SHANK2: variants seen among roughly 807,000 people sequenced by gnomAD.
The protein encoded by SHANK2 is SH3 and multiple ankyrin repeat domains protein 2.
Under a neutral mutation model 133.7 loss-of-function variants are expected in SHANK2, and 43 were observed. The ratio of observed to expected loss-of-function variants is 0.32; its 90% CI spans 0.25 to 0.41. The LOEUF (loss-of-function observed/expected upper bound fraction) is 0.41, where lower values mean the gene tolerates loss of function less well. Among genes scored for constraint, SHANK2 ranks in the 10% least tolerant of loss-of-function variants. SHANK2 has a pLI of 1.00. For missense variants in SHANK2, 1,994 were observed against 2,235.8 expected, an observed-to-expected ratio of 0.89 and a Z score of 2.18; for synonymous variants, 1,017 against 952.8, an observed-to-expected ratio of 1.07 and a Z score of -1.24.
chr11:71,135,561 A>G (rs1400003211), intron 3 of SHANK2, among the ~76,000 whole-genome samples: 1 of 142,484 alleles, frequency 7.0e-6, no homozygotes, highest in African/African-American at 2.7e-5. Flanking sequence ...ATCTCAGCTC[A>G]CTGCAACCTC....
chr11:70,935,058 G>A (rs1299157125), intron 10 of SHANK2, among the ~76,000 whole-genome samples: 1 of 152,128 alleles, frequency 6.6e-6, no homozygotes, highest in Non-Finnish European at 1.5e-5. Flanking sequence ...TCAGTTACCT[G>A]CAGTCCAATG....
intron 17 of SHANK2, among the ~76,000 whole-genome samples, chr11:70,541,241 A>G (rs2059618603): frequency 6.6e-6 from 1 of 152,146 alleles, no homozygotes; most frequent in African/African-American, 2.4e-5. Context: ...TGCACCGGTG[A>G]TGGACACTTA....
chr11:71,171,836 C>T (rs782149013), intron 2 of SHANK2, among the ~76,000 whole-genome samples: 1 of 152,216 alleles, frequency 6.6e-6, no homozygotes, highest in Non-Finnish European at 1.5e-5. Context: ...CCTGTGGCCT[C>T]GTTTAACCAG....
chr11:70,796,523 C>G (rs1947918793), intron 14 of SHANK2, among the ~76,000 whole-genome samples: 1 of 152,168 alleles, frequency 6.6e-6, no homozygotes, highest in Admixed American at 6.5e-5. Context: ...GACTGGAGGA[C>G]AGGGAGAAGG....
chr11:71,175,545 G>GGA lies in SHANK2; in HGVS notation c.-12-28209_-12-28208dup, dbSNP rs1185600541. On this transcript the variant is annotated intron_variant, in intron 2 of 25. Transcript: ENST00000601538. This position sits in a 1 kb window ranked among gnomAD's most constrained non-coding sequence, Gnocchi z 4.2. ...GACAGACAGACAGACAGAGGGAGAG[G>GGA]GAGAGGGAGAGAGAGAGAGAGAGAG... 1.3e-5 allele frequency among the ~76,000 whole-genome samples: 1 copy of GGA among 79,304 alleles called. No individual in the cohort carries two copies. Among genetic ancestry groups the GGA allele is most frequent in the Admixed American group, 1.5e-4 (1 of 6,484 alleles). 52.0% of individuals were successfully genotyped at this position (79,304 alleles called of 152,430 possible). A position where few individuals can be genotyped will look rare whatever the true frequency, so the allele number is the denominator to read the frequency against.
intron 17 of SHANK2, among the ~76,000 whole-genome samples, chr11:70,558,063 A>G (rs1293765697): frequency 1.3e-5 from 2 of 152,156 alleles, no homozygotes; most frequent in African/African-American, 2.4e-5. Context: ...CGAGACCGTG[A>G]GGGGGCCCGG....
At chr11:70,740,788 G>A (rs1001007110) in intron 14 of SHANK2, among the ~76,000 whole-genome samples, 28 of 152,164 alleles carry the variant, frequency 1.8e-4, no homozygotes, top group African/African-American at 6.8e-4. Flanking sequence ...GCCAGTCCTT[G>A]GAGCCAGCCT....
chr11:70,523,687 T>C (rs1554971536), intron 17 of SHANK2, among the ~76,000 whole-genome samples: 1 of 152,198 alleles, frequency 6.6e-6, no homozygotes, highest in African/African-American at 2.4e-5. Flanking sequence ...CACCGCTTCC[T>C]GTGTCAGGAG....
At chr11:71,217,912 G>A (rs1020674972) in intron 2 of SHANK2, among the ~76,000 whole-genome samples, 1 of 152,082 alleles carries the variant, frequency 6.6e-6, no homozygotes, top group African/African-American at 2.4e-5. Context: ...GTGCAGTGGC[G>A]CGTTCTTGGC....
chr11:71,075,512 G>A (rs1951207237), intron 8 of SHANK2, among the ~76,000 whole-genome samples: 2 of 152,172 alleles, frequency 1.3e-5, no homozygotes, highest in Admixed American at 6.5e-5. Context: ...ATTGGGGACT[G>A]GTGCTCAGTT....
chr11:70,607,052 G>A (rs1281316648), intron 17 of SHANK2, among the ~76,000 whole-genome samples: 2 of 152,196 alleles, frequency 1.3e-5, no homozygotes, highest in Non-Finnish European at 2.9e-5. Flanking sequence ...GCCGGGGTCA[G>A]TGGAAGTCCA....
At chr11:70,745,805 G>A (rs532755766) in intron 14 of SHANK2, among the ~76,000 whole-genome samples, 11 of 152,334 alleles carry the variant, frequency 7.2e-5, no homozygotes, top group East Asian at 1.9e-4. Flanking sequence ...GGTGGGAAAC[G>A]CATTGCTGAG....
intron 17 of SHANK2, among the ~76,000 whole-genome samples, chr11:70,552,890 A>G (rs975900697): frequency 3.3e-5 from 5 of 152,106 alleles, no homozygotes; most frequent in African/African-American, 1.2e-4. Context: ...GGGCAGCCTA[A>G]ACCACAGACA....
intron 17 of SHANK2, among the ~76,000 whole-genome samples, chr11:70,509,688 C>T (rs1351871396): frequency 1.3e-5 from 2 of 152,214 alleles, no homozygotes; most frequent in African/African-American, 2.4e-5. Context: ...AAACCCTCAC[C>T]GCCAGTGTGA....
intron 17 of SHANK2, among the ~76,000 whole-genome samples, chr11:70,586,866 C>T (rs1211514583): frequency 4.6e-5 from 7 of 152,180 alleles, no homozygotes; most frequent in African/African-American, 9.7e-5. Flanking sequence ...TCCCAGAATA[C>T]GTCACTCCTG....
At chr11:70,901,142 A>C (rs1555076659) in intron 10 of SHANK2, among the ~76,000 whole-genome samples, 1 of 152,190 alleles carries the variant, frequency 6.6e-6, no homozygotes, top group Non-Finnish European at 1.5e-5. Context: ...AGCGATAAGG[A>C]ACGGGCTCCA....
At chr11:70,502,764 C>G (rs1555159094) in intron 18 of SHANK2, 32 bp downstream of exon 18, 1 of 1,247,300 alleles carries the variant, frequency 8.0e-7, no homozygotes, top group Non-Finnish European at 1.1e-6. Flanking sequence ...AGTAGGGCCC[C>G]AGGCTGGAGC....
At chr11:70,682,795 G>A (rs116413822) in intron 15 of SHANK2, among the ~76,000 whole-genome samples, 1,968 of 152,276 alleles carry the variant, frequency 0.013, 50 homozygotes, top group African/African-American at 0.044. Flanking sequence ...GGACCCAAGA[G>A]CAGCCGTGGA....
intron 3 of SHANK2, among the ~76,000 whole-genome samples, chr11:71,138,710 A>G (rs1230593491): frequency 4.6e-5 from 7 of 151,572 alleles, no homozygotes; most frequent in Middle Eastern, 3.4e-3. Context: ...TGAAGCAGGA[A>G]GATCCCTTGA....
Sources: gnomAD v4.1 joint callset for allele counts (sites outside exome capture counted in the v4.1 genomes callset) on GRCh38, gnomAD v4.1.1 for gene constraint, Gnocchi (gnomAD v3.1) non-coding constraint, MANE v1.5 for transcripts, NCBI Gene and HGNC (gene_info 2026-07-23, HGNC 2026-07-21) for gene names.